The following PAK5 variants were observed in gnomAD, a reference collection of about 807,000 sequenced individuals.
PAK5 encodes the protein serine/threonine-protein kinase PAK 5.
Under a neutral mutation model 65.9 loss-of-function variants are expected in PAK5, and 16 were observed. The observed-to-expected ratio is 0.24, with a 90% CI of 0.16 to 0.37. The LOEUF (loss-of-function observed/expected upper bound fraction) is 0.37, where lower values mean the gene tolerates loss of function less well. Ranked by LOEUF, PAK5 falls within the 10% of genes least tolerant of loss-of-function variation. The probability of loss-of-function intolerance (pLI) is 1.00; values close to 1 mark genes in which losing one functional copy is unlikely to be tolerated. For synonymous variants in PAK5, 371 were observed against 354.9 expected (o/e 1.05, Z -0.51); for missense variants, 785 against 903.9 (o/e 0.87, Z 1.69).
At chr20:9,688,000 GA>G (rs1445159661) in intron 2 of PAK5, among the ~76,000 whole-genome samples, 1 of 151,970 alleles carries the variant, frequency 6.6e-6, no homozygotes, top group Admixed American at 6.6e-5. Flanking sequence ...GAGATGTGGG[GA>G]AAGGGTTGGA....
At chr20:9,764,904 C>T (rs994551182) in intron 1 of PAK5, among the ~76,000 whole-genome samples, 1 of 152,066 alleles carries the variant, frequency 6.6e-6, no homozygotes, top group African/African-American at 2.4e-5. Context: ...GTGGCAGAGA[C>T]ATTTACAGTA....
chr20:9,574,316 G>C (rs6039509), intron 4 of PAK5, among the ~76,000 whole-genome samples: 47,493 of 151,968 alleles, frequency 0.31, 7,946 homozygotes, highest in African/African-American at 0.44. Flanking sequence ...GATGTGCAGG[G>C]TCAGGCATAC....
rs1254382263 is a variant in PAK5, at chr20:9,563,326, C to G, written c.1483-302G>C. Among the ~76,000 whole-genome samples, 2 of 152,170 alleles carry G rather than the reference C, an allele frequency of 1.3e-5. 1 individual carries two copies. Among genetic ancestry groups the G allele is most frequent in the South Asian group, 4.1e-4 (2 of 4,822 alleles). ...CACAAGAGGGAGTTTGGTTGACCAT[C>G]TTTGGGGATATGATCAGATATCTCT... On this transcript the variant is annotated intron_variant, in intron 5 of 9. Coordinates refer to ENST00000353224, the MANE Select transcript of PAK5 (RefSeq NM_177990.4).
At chr20:9,568,448 C>A (rs1433226293) in intron 4 of PAK5, among the ~76,000 whole-genome samples, 1 of 152,096 alleles carries the variant, frequency 6.6e-6, no homozygotes, top group Non-Finnish European at 1.5e-5. Flanking sequence ...GATGAGGAAT[C>A]CAGGGGCAGG....
intron 2 of PAK5, among the ~76,000 whole-genome samples, chr20:9,660,394 T>C (rs2047328671): frequency 6.9e-6 from 1 of 144,666 alleles, no homozygotes; most frequent in African/African-American, 2.5e-5. Context: ...AAGTATTTTT[T>C]GTGCACCTGC....
chr20:9,576,868 G>A (rs926632164), intron 4 of PAK5, among the ~76,000 whole-genome samples: 2 of 152,220 alleles, frequency 1.3e-5, no homozygotes, highest in Admixed American at 6.5e-5. Context: ...AACATGGCAT[G>A]TATCTGGTAC....
chr20:9,683,680 G>A (rs959396517), intron 2 of PAK5, among the ~76,000 whole-genome samples: 1 of 152,056 alleles, frequency 6.6e-6, no homozygotes, highest in Non-Finnish European at 1.5e-5. Flanking sequence ...CATAGGCCAG[G>A]GTATTTCTTT....
chr20:9,755,979 G>T (rs2048629236), intron 1 of PAK5, among the ~76,000 whole-genome samples: 2 of 152,122 alleles, frequency 1.3e-5, no homozygotes, highest in South Asian at 4.1e-4. Context: ...CCCCATCACT[G>T]AAACATAGCT....
At chr20:9,710,326 A>G (rs2048062818) in intron 2 of PAK5, among the ~76,000 whole-genome samples, 1 of 152,166 alleles carries the variant, frequency 6.6e-6, no homozygotes, top group South Asian at 2.1e-4. Flanking sequence ...TATTTTCACA[A>G]TTTGACATCA....
At chr20:9,729,308 T>G (rs76048078) in intron 1 of PAK5, among the ~76,000 whole-genome samples, 11,180 of 152,128 alleles carry the variant, frequency 0.073, 447 homozygotes, top group Middle Eastern at 0.11. Flanking sequence ...ACAGGAGATT[T>G]CACATAAAAC....
At chr20:9,746,053 A>C (rs1376619639) in intron 1 of PAK5, among the ~76,000 whole-genome samples, 1 of 152,174 alleles carries the variant, frequency 6.6e-6, no homozygotes, top group Non-Finnish European at 1.5e-5. Context: ...ATGTTCCCAA[A>C]ACTTTCTCAT....
intron 1 of PAK5, among the ~76,000 whole-genome samples, chr20:9,766,571 G>A (rs1021318904): frequency 7.0e-6 from 1 of 142,292 alleles, no homozygotes; most frequent in South Asian, 2.2e-4. Flanking sequence ...AATGGACAAT[G>A]GAATACTATG....
chr20:9,640,666 C>T (rs1047338349), intron 3 of PAK5, among the ~76,000 whole-genome samples: 7 of 152,146 alleles, frequency 4.6e-5, no homozygotes, highest in Non-Finnish European at 1.0e-4. Context: ...CGTCTGGAGT[C>T]TGTCTCTTCT....
chr20:9,796,434 G>T (rs1208702364), intron 1 of PAK5, among the ~76,000 whole-genome samples: 1 of 152,078 alleles, frequency 6.6e-6, no homozygotes, highest in Non-Finnish European at 1.5e-5. Context: ...TTTGCTTCCA[G>T]GAAATTGGAA....
rs78586547 is a variant in PAK5, at chr20:9,801,121, T to A, written c.-162+37641A>T. ...GACATAGAGGTTTCCTACTTCAATATTACTGTTGTCCCTATGAGAAAACAA... is the reference window on the plus strand; with the variant it reads ...GACATAGAGGTTTCCTACTTCAATAATACTGTTGTCCCTATGAGAAAACAA... On this transcript the variant is annotated intron_variant, in intron 1 of 9. Coordinates refer to ENST00000353224, the MANE Select transcript of PAK5 (RefSeq NM_177990.4). Among the ~76,000 whole-genome samples, 641 of 152,210 alleles carry A rather than the reference T, an allele frequency of 4.2e-3. 4 individuals carry two copies. The highest frequency in any genetic ancestry group is 0.013 in the African/African-American group (558 of 41,548).
intron 3 of PAK5, among the ~76,000 whole-genome samples, chr20:9,626,943 G>A (rs1049523160): frequency 2.6e-5 from 4 of 151,842 alleles, no homozygotes; most frequent in African/African-American, 9.7e-5. Flanking sequence ...TTAAAATGGT[G>A]TAAAAAATAC....
chr20:9,645,605 G>A (rs1210903298), intron 2 of PAK5, among the ~76,000 whole-genome samples: 1 of 148,854 alleles, frequency 6.7e-6, no homozygotes, highest in Non-Finnish European at 1.5e-5. Context: ...TTTTTTTTGA[G>A]ACAGAGTATC....
intron 1 of PAK5, among the ~76,000 whole-genome samples, chr20:9,832,583 T>G (rs1442037505): frequency 2.0e-5 from 3 of 152,144 alleles, no homozygotes; most frequent in African/African-American, 7.2e-5. Flanking sequence ...GACATTTTGA[T>G]AAGTATTTTT....
At position 9,565,977 on chromosome 20, in the gene PAK5, G is replaced by A. The variant is rs2122992989; in HGVS notation, c.1398C>T (p.Ala466=). 6.2e-7 allele frequency: 1 copy of A among 1,613,582 alleles called. No individual in the cohort carries two copies. The highest frequency in any genetic ancestry group is 2.2e-5 in the East Asian group (1 of 44,868). ...CTTGTTTCCCTGTGTGTTTCTCGGT[G>A]GCGATGCATACGATGCCGGTTGAGC... ...GEGSTGIVCI[A]TEKHTGKQVA... The change falls in exon 5 of 10, where the codon GCC becomes GCT. Residue 466 remains alanine (A), a synonymous_variant. Coordinates refer to ENST00000353224, the MANE Select transcript of PAK5 (RefSeq NM_177990.4).
Sources: gnomAD v4.1 joint callset for allele counts (sites outside exome capture counted in the v4.1 genomes callset) on GRCh38, gnomAD v4.1.1 for gene constraint, MANE v1.5 for transcripts, NCBI Gene and HGNC (gene_info 2026-07-23, HGNC 2026-07-21) for gene names.